The following PKN2 variants were observed in gnomAD, a reference collection of about 807,000 sequenced individuals.
PKN2 encodes protein kinase N2, also known as serine/threonine-protein kinase N2.
In PKN2, 38 loss-of-function variants were observed where a neutral mutation model predicts 119.1. That is an observed-to-expected ratio of 0.32 (90% CI 0.25 to 0.42). PKN2 has a LOEUF of 0.42. Ranked by LOEUF, PKN2 falls within the 10% of genes least tolerant of loss-of-function variation. The pLI is 1.00. For missense variants in PKN2, 850 were observed against 1,165.1 expected (o/e 0.73, Z 3.94); for synonymous variants, 390 against 384.9 (o/e 1.01, Z -0.15).
intron 2 of PKN2, among the ~76,000 whole-genome samples, chr1:88,759,539 CTTG>C (rs1669354861): frequency 6.6e-6 from 1 of 151,862 alleles, no homozygotes; most frequent in Non-Finnish European, 1.5e-5. Flanking sequence ...TTATTTTTTC[CTTG>C]TTAAGTTCAT....
At position 88,684,412 on chromosome 1, in the gene PKN2, CG is replaced by C; in HGVS notation, c.-167del. On this transcript the variant is annotated 5_prime_UTR_variant, in exon 1 of 22. The change abolishes the stop of an existing upstream ORF in the 5' untranslated region. Coordinates refer to ENST00000370521, the MANE Select transcript of PKN2 (RefSeq NM_006256.4). ...TAGCTCCCCGCCGCTCTCGATGAAC[CG>C]GACGGAATAAGCCGCGCCTCCAGCA... The C allele has an allele frequency of 1.8e-6, 1 of 566,148 alleles. No homozygotes were observed. Among genetic ancestry groups the C allele is most frequent in the Non-Finnish European group, 3.0e-6 (1 of 333,288 alleles). The allele number at this position is 566,148 out of a possible 1,614,324, so 35.1% of individuals were successfully genotyped here. A position where few individuals can be genotyped will look rare whatever the true frequency, so the allele number is the denominator to read the frequency against.
chr1:88,716,680 A>G (rs1213877606), intron 1 of PKN2, among the ~76,000 whole-genome samples: 3 of 151,980 alleles, frequency 2.0e-5, no homozygotes, highest in Admixed American at 6.6e-5. Context: ...TTTTGAGCCT[A>G]TGTGTGTCTC....
chr1:88,768,774 TA>T (rs1190188978), intron 3 of PKN2, among the ~76,000 whole-genome samples: 3 of 152,196 alleles, frequency 2.0e-5, no homozygotes, highest in Non-Finnish European at 4.4e-5. Flanking sequence ...TGTGTTGCTG[TA>T]AAGGAATATC....
chr1:88,690,271 T>C (rs548914292), intron 1 of PKN2, among the ~76,000 whole-genome samples: 1 of 152,242 alleles, frequency 6.6e-6, no homozygotes, highest in African/African-American at 2.4e-5. Context: ...TTCATGCCAT[T>C]CATCAGAAGC....
At chr1:88,729,259 C>T (rs1340340629) in intron 1 of PKN2, among the ~76,000 whole-genome samples, 1 of 152,126 alleles carries the variant, frequency 6.6e-6, no homozygotes, top group East Asian at 1.9e-4. Flanking sequence ...AGAAAGTAAT[C>T]GATAATAATT....
intron 1 of PKN2, among the ~76,000 whole-genome samples, chr1:88,693,036 C>T (rs1666392221): frequency 6.6e-6 from 1 of 152,154 alleles, no homozygotes. Flanking sequence ...ATGCTAGGCA[C>T]CCAAATGCTA....
In PKN2 at chr1:88,835,216, A is replaced by G. The variant is rs373003994; in HGVS notation, c.*1768A>G. 5 of 152,402 alleles carry G rather than the reference A, an allele frequency of 3.3e-5. No individual in the cohort carries two copies. Among genetic ancestry groups the G allele is most frequent in the African/African-American group, 1.2e-4 (5 of 41,570 alleles). The allele number at this position is 152,402 out of a possible 1,614,324, so 9.4% of individuals were successfully genotyped here. A position where few individuals can be genotyped will look rare whatever the true frequency, so the allele number is the denominator to read the frequency against. ...GAAAATCTTATAGAATGGGGGAACA[A>G]TATGTGGTTTAAAGTTATTTTAAAA... On this transcript the variant is annotated 3_prime_UTR_variant, in exon 22 of 22. Coordinates refer to ENST00000370521, the MANE Select transcript of PKN2 (RefSeq NM_006256.4).
At chr1:88,788,358 G>A (rs1041696737) in intron 8 of PKN2, among the ~76,000 whole-genome samples, 1 of 152,064 alleles carries the variant, frequency 6.6e-6, no homozygotes, top group Non-Finnish European at 1.5e-5. Flanking sequence ...TTTTTAAATT[G>A]TTGGTATAAT....
intron 1 of PKN2, among the ~76,000 whole-genome samples, chr1:88,702,745 C>T (rs112980810): frequency 2.0e-5 from 3 of 152,144 alleles, no homozygotes; most frequent in African/African-American, 7.2e-5. Context: ...TGAAAACTTT[C>T]AACTGCACAG....
intron 2 of PKN2, among the ~76,000 whole-genome samples, chr1:88,751,874 T>C (rs529362230): frequency 7.3e-6 from 1 of 137,266 alleles, no homozygotes; most frequent in East Asian, 1.9e-4. Context: ...ACTTAGAAAC[T>C]GTTATTTCGT....
chr1:88,817,357 C>G (rs2100903959), intron 16 of PKN2, among the ~76,000 whole-genome samples: 1 of 147,694 alleles, frequency 6.8e-6, no homozygotes. Context: ...TGGCAGTGAG[C>G]GGAGATCACG....
At chr1:88,782,470 G>A (rs1670383991) in intron 6 of PKN2, among the ~76,000 whole-genome samples, 1 of 151,792 alleles carries the variant, frequency 6.6e-6, no homozygotes, top group Non-Finnish European at 1.5e-5. Context: ...GCCACTTGAA[G>A]TTAAACTCAC....
At chr1:88,826,347 T>C (rs1557638963) in intron 18 of PKN2, among the ~76,000 whole-genome samples, 1 of 151,940 alleles carries the variant, frequency 6.6e-6, no homozygotes, top group Non-Finnish European at 1.5e-5. Flanking sequence ...GCCAAGAATT[T>C]TGCTTCATAT....
chr1:88,691,373 A>G (rs1246297224), intron 1 of PKN2, among the ~76,000 whole-genome samples: 1 of 152,010 alleles, frequency 6.6e-6, no homozygotes, highest in Non-Finnish European at 1.5e-5. Flanking sequence ...CCTGAGTATC[A>G]TATATTTTAC....
Position 88,804,868 on chromosome 1 carries a change from T to C in PKN2, c.1448T>C (p.Ile483Thr), listed in dbSNP as rs1280904429. The change falls in exon 10 of 22, where the codon ATT becomes ACT. Residue 483 changes from isoleucine to threonine, a missense_variant. Ile to Thr is a moderately conservative substitution (Grantham distance 89). Coordinates refer to ENST00000370521, the MANE Select transcript of PKN2 (RefSeq NM_006256.4). Reference sequence around the variant, plus strand: ...CAGGTTACCTTTTTTAATCCAGTTATTGAAAGAAGACCAAAACTTCAAAGA... The same window carrying C: ...CAGGTTACCTTTTTTAATCCAGTTACTGAAAGAAGACCAAAACTTCAAAGA... The part of the protein sequence containing the change: ...FAEVTFFNPV[I>T]ERRPKLQRQK... The C allele has an allele frequency of 6.3e-7, 1 of 1,579,640 alleles. No individual in the cohort carries two copies. The highest frequency in any genetic ancestry group is 2.3e-5 in the East Asian group (1 of 44,238).
intron 1 of PKN2, among the ~76,000 whole-genome samples, chr1:88,721,369 T>G (rs867591762): frequency 4.6e-5 from 7 of 152,246 alleles, no homozygotes; most frequent in African/African-American, 1.7e-4. Flanking sequence ...TTTGACCCTT[T>G]GTTCTTAAGG....
intron 16 of PKN2, among the ~76,000 whole-genome samples, chr1:88,820,949 A>G (rs1672262853): frequency 6.6e-6 from 1 of 152,198 alleles, no homozygotes; most frequent in South Asian, 2.1e-4. Context: ...AAAATTGAAA[A>G]AGTCAAACAT....
rs955362295 is a variant in PKN2 at position 88,805,930 on chromosome 1, T to C, written c.1716T>C (p.Pro572=). Residue 572 remains proline, a synonymous_variant, in exon 12 of 22, where the codon CCT becomes CCC. Transcript: ENST00000370521. ...CCAAATTGGACTTTGATCTTGAGCC[T>C]GAACCTCCTCCAGCCCCACCACGAG... The part of the protein sequence containing the change: ...TVTKLDFDLE[P]EPPPAPPRAS... The C allele has an allele frequency of 6.2e-7, 1 of 1,613,928 alleles. No individual in the cohort carries two copies. The highest frequency in any genetic ancestry group is 8.5e-7 in the Non-Finnish European group (1 of 1,179,800).
chr1:88,798,967 G>T (rs1036093773), intron 8 of PKN2, among the ~76,000 whole-genome samples: 1 of 152,032 alleles, frequency 6.6e-6, no homozygotes, highest in Non-Finnish European at 1.5e-5. Context: ...ATGGGGGAAA[G>T]AATAGTAGGA....
Sources: allele counts gnomAD v4.1 joint callset (sites outside exome capture counted in the v4.1 genomes callset), GRCh38; gene constraint gnomAD v4.1.1; transcripts MANE v1.5; gene names NCBI Gene and HGNC (gene_info 2026-07-23, HGNC 2026-07-21).